The following DNAJB6 variants were observed in gnomAD, a reference collection of about 807,000 sequenced individuals.
DNAJB6 encodes DnaJ heat shock protein family (Hsp40) member B6.
Under a neutral mutation model 42.7 loss-of-function variants are expected in DNAJB6, and 16 were observed. The observed-to-expected ratio is 0.37, with a 90% CI of 0.25 to 0.57. The LOEUF is 0.57. DNAJB6 is among the 20% of genes least tolerant of loss of function. The probability of loss-of-function intolerance (pLI) is 0.74; values close to 1 mark genes in which losing one functional copy is unlikely to be tolerated. For missense variants in DNAJB6, 347 were observed against 416.8 expected, an observed-to-expected ratio of 0.83 and a Z score of 1.46; for synonymous variants, 170 against 163.5, an observed-to-expected ratio of 1.04 and a Z score of -0.30.
intron 8 of DNAJB6, among the ~76,000 whole-genome samples, chr7:157,407,227 A>G (rs940218081): frequency 2.6e-5 from 4 of 152,052 alleles, no homozygotes; most frequent in Non-Finnish European, 4.4e-5. Flanking sequence ...CTCCGCGTGG[A>G]GTGGGGCGAG....
intron 6 of DNAJB6, 48 bp downstream of exon 6, chr7:157,382,425 A>G (rs1168892884): frequency 6.5e-7 from 1 of 1,550,216 alleles, no homozygotes; most frequent in Non-Finnish European, 8.7e-7. Flanking sequence ...AGCAGTTAGT[A>G]CTTATAAAAT....
rs144661175 is a variant in DNAJB6, at chr7:157,397,411, C to T, written c.691+11800C>T. Among the ~76,000 whole-genome samples the T allele has an allele frequency of 2.2e-3, 337 of 152,302 alleles. 3 individuals carry two copies. Among genetic ancestry groups the T allele is most frequent in the East Asian group, 9.2e-3 (48 of 5,194 alleles). On this transcript the variant is annotated intron_variant, in intron 8 of 9. Coordinates refer to ENST00000262177, the MANE Select transcript of DNAJB6 (RefSeq NM_058246.4). The stretch of plus-strand genomic sequence containing the variant: ...CTGGGCCGGAACCTCTGTGTCGCTG[C>T]GGTGGTGTGTTCAGCTCTGACATGA...
At chr7:157,351,309 C>T (rs1798959152) in intron 1 of DNAJB6, among the ~76,000 whole-genome samples, 1 of 152,084 alleles carries the variant, frequency 6.6e-6, no homozygotes. Context: ...TCTCCCAACT[C>T]ATGGTTTTAC....
chr7:157,384,090 C>G (rs1337113519), intron 6 of DNAJB6, among the ~76,000 whole-genome samples: 4 of 152,114 alleles, frequency 2.6e-5, no homozygotes, highest in Admixed American at 6.5e-5. Flanking sequence ...TTAATGGGAG[C>G]ATTTTGGAAA....
chr7:157,380,219 T>TTG (rs758996020), intron 5 of DNAJB6: 2 of 152,202 alleles, frequency 1.3e-5, no homozygotes, highest in African/African-American at 2.4e-5. Flanking sequence ...GGAGGATATG[T>TTG]TGTAGATACG....
chr7:157,357,275 C>A lies in DNAJB6; in HGVS notation c.-26-1272C>A, dbSNP rs1339228937. Reference sequence around the variant, plus strand: ...CCTTCCTTCCTTCCGTCCTTCCTTCCGTCCTTCCTTCCGTCCTTCCTTCCT... The same window carrying A: ...CCTTCCTTCCTTCCGTCCTTCCTTCAGTCCTTCCTTCCGTCCTTCCTTCCT... On this transcript the variant is annotated intron_variant, in intron 1 of 9. Coordinates refer to ENST00000262177, the MANE Select transcript of DNAJB6 (RefSeq NM_058246.4). Among the ~76,000 whole-genome samples the A allele has an allele frequency of 3.0e-5, 2 of 66,652 alleles. 1 individual carries two copies. The highest frequency in any genetic ancestry group is 6.2e-5 in the Non-Finnish European group (2 of 32,076). 43.7% of individuals were successfully genotyped at this position (66,652 alleles called of 152,430 possible).
intron 5 of DNAJB6, chr7:157,369,124 C>T (rs1301755049): frequency 1.9e-5 from 7 of 369,750 alleles, no homozygotes; most frequent in East Asian, 7.5e-5. Flanking sequence ...AGGCGATTTC[C>T]GATTAGGGGA....
intron 8 of DNAJB6, among the ~76,000 whole-genome samples, chr7:157,393,956 T>C (rs1483220140): frequency 7.2e-5 from 11 of 152,254 alleles, no homozygotes; most frequent in Non-Finnish European, 1.6e-4. Flanking sequence ...CTGAGGCCTG[T>C]GATCATGCGC....
chr7:157,402,448 C>T (rs1000220193), intron 8 of DNAJB6, among the ~76,000 whole-genome samples: 1 of 152,172 alleles, frequency 6.6e-6, no homozygotes, highest in Non-Finnish European at 1.5e-5. Flanking sequence ...GGCCGTGGGG[C>T]GGGCGTGGGG....
intron 1 of DNAJB6, among the ~76,000 whole-genome samples, chr7:157,347,013 G>A (rs1344658345): frequency 6.6e-6 from 1 of 152,062 alleles, no homozygotes; most frequent in Non-Finnish European, 1.5e-5. Flanking sequence ...CCGCCACCAC[G>A]CCCGGCTAAT....
intron 8 of DNAJB6, among the ~76,000 whole-genome samples, chr7:157,407,847 C>T (rs1037738805): frequency 2.0e-4 from 30 of 152,204 alleles, no homozygotes; most frequent in African/African-American, 5.5e-4. Context: ...TGAGAAGCCA[C>T]GTCCTGGGTG....
intron 2 of DNAJB6, among the ~76,000 whole-genome samples, chr7:157,360,125 G>A (rs368792272): frequency 1.3e-5 from 2 of 152,192 alleles, no homozygotes; most frequent in African/African-American, 4.8e-5. Flanking sequence ...TGATAAAGAC[G>A]TACCTGAGAC....
intron 8 of DNAJB6, among the ~76,000 whole-genome samples, chr7:157,392,430 GAT>G (rs934827891): frequency 2.7e-5 from 4 of 150,038 alleles, no homozygotes; most frequent in Non-Finnish European, 5.9e-5. Context: ...TATTTACACA[GAT>G]GTGTGTGTGC....
intron 1 of DNAJB6, 150 bp downstream of exon 1, chr7:157,337,294 CCGGGGTTGCGGGGCGAAGGGTGGG>C (rs1446803485): frequency 6.6e-6 from 1 of 151,572 alleles, no homozygotes; most frequent in African/African-American, 2.4e-5. Context: ...GGGGCCGTGG[CCGGGGTTGCGGGGCGAAGGGTGGG>C]CGGGGTCCTC....
chr7:157,411,295 A>T (rs1171544788), intron 9 of DNAJB6: 2 of 97,778 alleles, frequency 2.0e-5, no homozygotes, highest in East Asian at 3.7e-4. Context: ...GGTTCCCAGG[A>T]TCCCTGCACT....
intron 5 of DNAJB6, among the ~76,000 whole-genome samples, chr7:157,372,805 C>T (rs1161647972): frequency 6.6e-6 from 1 of 152,150 alleles, no homozygotes; most frequent in Non-Finnish European, 1.5e-5. Flanking sequence ...TATTGCAGGG[C>T]TGGTTGCTTC....
chr7:157,401,187 C>G lies in DNAJB6; in HGVS notation c.692-8608C>G, dbSNP rs536923752. Among the ~76,000 whole-genome samples, 4 of 152,226 alleles carry G rather than the reference C, an allele frequency of 2.6e-5. No homozygotes were observed. In the South Asian group the frequency reaches 8.3e-4, roughly 32 times the overall value. ...AGGATTGCTGGCAGTCAGAGCTCTT[C>G]AGTCGTGTACATGATTTATATAATT... On this transcript the variant is annotated intron_variant, in intron 8 of 9. Transcript: ENST00000262177.
intron 7 of DNAJB6, 27 bp from the exon 8 acceptor site, chr7:157,385,514 G>C (rs1268826209): frequency 1.2e-6 from 2 of 1,608,134 alleles, no homozygotes; most frequent in Admixed American, 1.7e-5. Flanking sequence ...TACCAGAAAG[G>C]TTTTTAAATG....
intron 1 of DNAJB6, among the ~76,000 whole-genome samples, chr7:157,350,644 G>A (rs1798921333): frequency 3.3e-5 from 5 of 151,936 alleles, no homozygotes; most frequent in Admixed American, 3.3e-4. Flanking sequence ...TGAGGAAGAC[G>A]CCCAATATGG....
Sources: gnomAD v4.1 joint callset for allele counts (sites outside exome capture counted in the v4.1 genomes callset) on GRCh38, gnomAD v4.1.1 for gene constraint, MANE v1.5 for transcripts, NCBI Gene and HGNC (gene_info 2026-07-23, HGNC 2026-07-21) for gene names.